ARAP1: variants seen among roughly 807,000 people sequenced by gnomAD.
ARAP1 encodes the protein ArfGAP with RhoGAP domain, ankyrin repeat and PH domain 1.
A neutral mutation model predicts 172.2 loss-of-function variants in ARAP1; 76 were observed. That is an observed-to-expected ratio of 0.44 (90% CI 0.37 to 0.53). ARAP1 has a LOEUF of 0.53. ARAP1 is among the 20% of genes least tolerant of loss of function. ARAP1 has a pLI of 0.00. For synonymous variants in ARAP1, 804 were observed against 803.3 expected (o/e 1.00, Z -0.01); for missense variants, 1,686 against 1,977.5 (o/e 0.85, Z 2.80).
rs1433898755 is a variant in ARAP1, at chr11:72,699,681, T to G, written c.2303-129A>C. On this transcript the variant is annotated intron_variant, in intron 16 of 34. Coordinates refer to ENST00000393609, the MANE Select transcript of ARAP1 (RefSeq NM_001040118.3). This position sits in a 1 kb window ranked among gnomAD's most constrained non-coding sequence, Gnocchi z 4.2. Reference sequence around the variant, plus strand: ...TTCATTCTCTCAAGTTTTCCCTAAATCCATCCACCTCTCTGCATCCCCACC... The same window carrying G: ...TTCATTCTCTCAAGTTTTCCCTAAAGCCATCCACCTCTCTGCATCCCCACC... The G allele has an allele frequency of 3.1e-6, 4 of 1,274,896 alleles. No individual in the cohort carries two copies. In the African/African-American group the frequency reaches 5.9e-5, roughly 19 times the overall value. 79.0% of individuals were successfully genotyped at this position (1,274,896 alleles called of 1,614,324 possible).
In ARAP1 at chr11:72,726,383, C is replaced by G. The variant is rs538513110; in HGVS notation, c.509+237G>C. On this transcript the variant is annotated intron_variant, in intron 3 of 34. Transcript: ENST00000393609. The surrounding 1 kb of genome is among the most constrained non-coding windows in gnomAD (Gnocchi z 6.5). ...TCCACCCAGCCACCCAAGACAGAAA[C>G]CTGGAGGCCTCACTGGCACACGCCC... Among the ~76,000 whole-genome samples the G allele has an allele frequency of 1.3e-5, 2 of 152,310 alleles. No individual in the cohort carries two copies. The highest frequency in any genetic ancestry group is 4.1e-4 in the South Asian group (2 of 4,832).
intron 20 of ARAP1, 51 bp from the exon 21 acceptor site, chr11:72,697,537 TC>T (rs769732938): frequency 6.7e-5 from 108 of 1,612,952 alleles, no homozygotes; most frequent in Non-Finnish European, 8.8e-5. Context: ...TCCCACCCTG[TC>T]CCCAGGCCCA....
At chr11:72,743,002 C>A (rs901554490) in intron 1 of ARAP1, among the ~76,000 whole-genome samples, 8 of 152,192 alleles carry the variant, frequency 5.3e-5, no homozygotes, top group African/African-American at 1.9e-4. Context: ...CATACCCATT[C>A]GGGCACCTCC....
intron 16 of ARAP1, chr11:72,700,230 G>C (rs1856417748): frequency 6.5e-6 from 1 of 154,212 alleles, no homozygotes; most frequent in African/African-American, 2.4e-5. Context: ...GGGCAAAAAG[G>C]ATGACTCAGG....
chr11:72,695,361 C>T lies in ARAP1; in HGVS notation c.3576+26G>A, dbSNP rs1856138666. The T allele has an allele frequency of 6.2e-7, 1 of 1,613,914 alleles. No homozygotes were observed. The highest frequency in any genetic ancestry group is 1.3e-5 in the African/African-American group (1 of 74,936). ...CTGGCCCAGCCTGATTCTCTAGCCCCTTGGCTTCTAGGTCCCAGCACCTAC... is the reference window on the plus strand; with the variant it reads ...CTGGCCCAGCCTGATTCTCTAGCCCTTTGGCTTCTAGGTCCCAGCACCTAC... On this transcript the variant is annotated intron_variant, in intron 26 of 34. Transcript: ENST00000393609. The surrounding 1 kb of genome is among the most constrained non-coding windows in gnomAD (Gnocchi z 4.4).
intron 22 of ARAP1, 143 bp from the exon 23 acceptor site, chr11:72,696,797 A>G: frequency 1.1e-6 from 1 of 933,644 alleles, no homozygotes; most frequent in East Asian, 2.7e-5. Context: ...CAACCAGGGT[A>G]AGGAACTCTC....
At position 72,697,293 on chromosome 11, in the gene ARAP1, C is replaced by T. The variant is rs557130172; in HGVS notation, c.2953+30G>A. ...GCGGGAGGCGGCTCTCCGGGAGGGG[C>T]GGGGCTGGCACCCTAGGGGCAGGGC... On this transcript the variant is annotated intron_variant, in intron 21 of 34. Coordinates refer to ENST00000393609, the MANE Select transcript of ARAP1 (RefSeq NM_001040118.3). 120 of 1,570,484 alleles carry T rather than the reference C, an allele frequency of 7.6e-5. 3 individuals are homozygous for T. The South Asian group carries it at 1.3e-3, about 16-fold the overall frequency.
rs1031557242 is a variant in ARAP1, at chr11:72,686,190, T to C, written c.4187A>G (p.His1396Arg). The C allele has an allele frequency of 2.4e-5, 39 of 1,611,336 alleles. No individual in the cohort carries two copies. The highest frequency in any genetic ancestry group is 8.8e-5 in the South Asian group (8 of 91,036). ...CTCTGAGGGCCACACCAGGCCGTCA[T>C]GCTGGGGAGCAGAGAGGAAGGGGCT... ...EWFATFLFVQHDGLVWPSEPS... is the reference protein window; with the variant it reads ...EWFATFLFVQRDGLVWPSEPS... Residue 1396 changes from histidine (H) to arginine (R), a missense_variant and splice_region_variant, in exon 34 of 35, where the codon CAT becomes CGT. Transcript: ENST00000393609.
In ARAP1 at chr11:72,699,641, C is replaced by G. The variant is rs1320797712; in HGVS notation, c.2303-89G>C. On this transcript the variant is annotated intron_variant, in intron 16 of 34. Coordinates refer to ENST00000393609, the MANE Select transcript of ARAP1 (RefSeq NM_001040118.3). The surrounding 1 kb of genome is among the most constrained non-coding windows in gnomAD (Gnocchi z 4.2). ...ATCCTCCCGGGGCTCCTGCTCCCAT[C>G]TGACCCATGAGCTCTTCATTCTCTC... is the stretch of plus-strand genomic sequence containing the variant. 3 of 1,500,270 alleles carry G rather than the reference C, an allele frequency of 2.0e-6. No homozygotes were observed. The highest frequency in any genetic ancestry group is 2.8e-5 in the African/African-American group (2 of 72,018). The allele number at this position is 1,500,270 out of a possible 1,614,324, so 92.9% of individuals were successfully genotyped here.
At chr11:72,749,383 G>T (rs1267714510) in intron 1 of ARAP1, among the ~76,000 whole-genome samples, 3 of 152,156 alleles carry the variant, frequency 2.0e-5, no homozygotes, top group African/African-American at 4.8e-5. Flanking sequence ...GGTGGAATTG[G>T]TTAATATGGA....
chr11:72,718,533 C>T (rs968632328), intron 3 of ARAP1, among the ~76,000 whole-genome samples: 1 of 152,078 alleles, frequency 6.6e-6, no homozygotes, highest in Non-Finnish European at 1.5e-5. Flanking sequence ...GCAGCTCAGC[C>T]GGCCTCCTCC....
In ARAP1 at chr11:72,687,509, G is replaced by A; in HGVS notation, c.4122-7C>T. 2 of 1,614,142 alleles carry A rather than the reference G, an allele frequency of 1.2e-6. No individual in the cohort carries two copies. The highest frequency in any genetic ancestry group is 1.7e-6 in the Non-Finnish European group (2 of 1,180,030). ...TGTGTCACAGCAGAGGTACCTGCAG[G>A]GTTGGACGCGGACCCACATGATGCC... On this transcript the variant is annotated splice_polypyrimidine_tract_variant and splice_region_variant and intron_variant, in intron 32 of 34. Coordinates refer to ENST00000393609, the MANE Select transcript of ARAP1 (RefSeq NM_001040118.3).
chr11:72,699,520 C>A lies in ARAP1; in HGVS notation c.2335G>T (p.Gly779Trp). ...FSRRWCVLGD[G>W]VLSYFENERA... is the part of the protein sequence containing the mutation. ...TCATTCTCAAAGTAGCTCAGGACCC[C>A]GTCACCAAGGACACACCAGCGCCGG... The change falls in exon 17 of 35, where the codon GGG (glycine) becomes TGG (tryptophan). Residue 779 changes from glycine (G) to tryptophan (W), a missense_variant. Gly to Trp is a radical substitution (Grantham distance 184). Transcript: ENST00000393609. The surrounding 1 kb of genome is among the most constrained non-coding windows in gnomAD (Gnocchi z 4.2). 6.2e-7 allele frequency: 1 copy of A among 1,613,598 alleles called. No homozygotes were observed. The highest frequency in any genetic ancestry group is 8.5e-7 in the Non-Finnish European group (1 of 1,179,832).
rs1197283826 is a variant in ARAP1 at position 72,697,375 on chromosome 11, G to A, written c.2901C>T (p.Asp967=). 3 of 1,608,082 alleles carry A rather than the reference G, an allele frequency of 1.9e-6. No homozygotes were observed. Among genetic ancestry groups the A allele is most frequent in the Middle Eastern group, 1.7e-4 (1 of 6,056 alleles). The change falls in exon 21 of 35, where the codon GAC becomes GAT. Residue 967 remains aspartate, a synonymous_variant. Coordinates refer to ENST00000393609, the MANE Select transcript of ARAP1 (RefSeq NM_001040118.3). Reference sequence around the variant, plus strand: ...GGTACACGATCACCGGGATATCCGAGTCCCCAAGCTGCTGCTCCGACAGCG... The same window carrying A: ...GGTACACGATCACCGGGATATCCGAATCCCCAAGCTGCTGCTCCGACAGCG... ...GDTLSEQQLG[D]SDIPVIVYRC...
At position 72,695,968 on chromosome 11, in the gene ARAP1, G is replaced by A; in HGVS notation, c.3273-103C>T. Reference sequence around the variant, plus strand: ...GTCCAAGACTGGTCTGGTCAGAGGGGACCACTGTTTAACAGGGTAGGAACA... The same window carrying A: ...GTCCAAGACTGGTCTGGTCAGAGGGAACCACTGTTTAACAGGGTAGGAACA... On this transcript the variant is annotated intron_variant, in intron 23 of 34. Transcript: ENST00000393609. This position sits in a 1 kb window ranked among gnomAD's most constrained non-coding sequence, Gnocchi z 4.4. 1 of 1,384,924 alleles carries A rather than the reference G, an allele frequency of 7.2e-7. No individual in the cohort carries two copies. Among genetic ancestry groups the A allele is most frequent in the South Asian group, 1.5e-5 (1 of 68,716 alleles). 85.8% of individuals were successfully genotyped at this position (1,384,924 alleles called of 1,614,324 possible).
chr11:72,751,639 C>T (rs1432550656), intron 1 of ARAP1, among the ~76,000 whole-genome samples: 1 of 152,042 alleles, frequency 6.6e-6, no homozygotes, highest in Non-Finnish European at 1.5e-5. Flanking sequence ...AGGGAAGGCT[C>T]CCCAGGATAT....
Position 72,693,356 on chromosome 11 carries a change from C to T in ARAP1, c.3923G>A (p.Ser1308Asn). 1 of 1,613,914 alleles carries T rather than the reference C, an allele frequency of 6.2e-7. No homozygotes were observed. The highest frequency in any genetic ancestry group is 8.5e-7 in the Non-Finnish European group (1 of 1,179,838). ...CTCCTTGTAGAGCCGCAAGCAGCTG[C>T]TGTTGAGGATGAAGTAGCGATCGTG... ...GFHDRYFILN[S>N]SCLRLYKEVR... The change falls in exon 29 of 35, where the codon AGC becomes AAC. Residue 1308 changes from serine to asparagine, a missense_variant. Around this residue, in one of 5 missense-constraint regions of ARAP1, gnomAD observed 379 missense variants for 500.1 expected, o/e 0.76. Transcript: ENST00000393609. This position sits in a 1 kb window ranked among gnomAD's most constrained non-coding sequence, Gnocchi z 4.6.
intron 1 of ARAP1, among the ~76,000 whole-genome samples, chr11:72,743,652 G>A (rs1263079509): frequency 6.6e-6 from 1 of 152,058 alleles, no homozygotes; most frequent in Non-Finnish European, 1.5e-5. Context: ...GAGGCTCCCC[G>A]GCACCCTCCA....
intron 1 of ARAP1, among the ~76,000 whole-genome samples, chr11:72,751,198 C>G (rs1858521274): frequency 6.6e-6 from 1 of 152,100 alleles, no homozygotes; most frequent in Admixed American, 6.5e-5. Flanking sequence ...GTCCCCAGGC[C>G]CAGTCCTGAC....
Sources: gnomAD v4.1 joint callset for allele counts (sites outside exome capture counted in the v4.1 genomes callset) on GRCh38, gnomAD v4.1.1 for gene constraint, gnomAD v4.1.1 regional missense constraint, Gnocchi (gnomAD v3.1) non-coding constraint, MANE v1.5 for transcripts, NCBI Gene and HGNC (gene_info 2026-07-23, HGNC 2026-07-21) for gene names.